The following ZNF880 variants were observed in gnomAD, a reference collection of about 807,000 sequenced individuals.
ZNF880 encodes the protein zinc finger protein 880, also known as zinc finger protein LOC400713.
Under a neutral mutation model 11.8 loss-of-function variants are expected in ZNF880, and 12 were observed. The observed-to-expected ratio is 1.02, with a 90% CI of 0.65 to 1.65. The LOEUF is 1.65. ZNF880 is among the 40% of genes most tolerant of loss of function. The pLI is 0.00. For synonymous variants in ZNF880, 210 were observed against 232.4 expected, an observed-to-expected ratio of 0.90 and a Z score of 0.88; for missense variants, 601 against 673.9, an observed-to-expected ratio of 0.89 and a Z score of 1.20.
At chr19:52,372,290 ATTT>A (rs770129861) in intron 1 of ZNF880, among the ~76,000 whole-genome samples, 2 of 138,748 alleles carry the variant, frequency 1.4e-5, no homozygotes, top group Non-Finnish European at 3.1e-5. Context: ...ATCTCTACTA[ATTT>A]TTTTTTTTTT....
At chr19:52,393,078 T>C in the ZNF880 span, among the ~76,000 whole-genome samples, 3 of 151,628 alleles carry the variant, frequency 2.0e-5, no homozygotes, top group Non-Finnish European at 4.4e-5. Context: ...TTTTTTTTTT[T>C]TTTTTCTTTT....
At position 52,384,182 on chromosome 19, in the gene ZNF880, A is replaced by T; in HGVS notation, c.602A>T (p.Asn201Ile). 1 of 1,610,750 alleles carries T rather than the reference A, an allele frequency of 6.2e-7. No individual in the cohort carries two copies. Among genetic ancestry groups the T allele is most frequent in the South Asian group, 1.1e-5 (1 of 90,740 alleles). ...TTTAGAGTGTCTTCAAGACTTGCTA[A>T]CAATCAAGTAATCCACACTGCAGAT... ...KAFRVSSRLA[N>I]NQVIHTADNP... The change falls in exon 4 of 4, where the codon AAC becomes ATC. Residue 201 changes from asparagine (N) to isoleucine (I), a missense_variant. Transcript: ENST00000422689.
Position 52,385,456 on chromosome 19 carries a change from C to A in ZNF880, c.*142C>A. The A allele has an allele frequency of 1.0e-6, 1 of 1,003,042 alleles. No individual in the cohort carries two copies. The highest frequency in any genetic ancestry group is 1.4e-6 in the Non-Finnish European group (1 of 700,304). The allele number at this position is 1,003,042 out of a possible 1,614,324, so 62.1% of individuals were successfully genotyped here. A position where few individuals can be genotyped will look rare whatever the true frequency, so the allele number is the denominator to read the frequency against. ...ATTAATCAACATCAGAGATTCCATA[C>A]TAAAGAGAAATCATAGCAATGTATG... On this transcript the variant is annotated 3_prime_UTR_variant, in exon 4 of 4. Coordinates refer to ENST00000422689, the MANE Select transcript of ZNF880 (RefSeq NM_001145434.2).
Position 52,385,296 on chromosome 19 carries a change from A to G in ZNF880, c.1716A>G (p.Gly572=), listed in dbSNP as rs188096553. The G allele has an allele frequency of 2.4e-5, 38 of 1,552,050 alleles. No homozygotes were observed. The East Asian group carries it at 7.8e-4, about 32-fold the overall frequency. Residue 572 remains glycine, a synonymous_variant, in exon 4 of 4, where the codon GGA becomes GGG. Transcript: ENST00000422689. ...CAAATCATCACAGAATCCATACTGG[A>G]GAGAAACCGTACAGATGAAATGTGT... ...NLANHHRIHT[G]EKPYR is the part of the protein sequence containing the mutation.
intron 3 of ZNF880, among the ~76,000 whole-genome samples, chr19:52,379,096 TA>T (rs1986636061): frequency 7.4e-6 from 1 of 134,466 alleles, no homozygotes; most frequent in Non-Finnish European, 1.7e-5. Context: ...AAGAAGAAAA[TA>T]AAAAATAAAT....
intron 1 of ZNF880, 57 bp from the exon 2 acceptor site, chr19:52,373,054 C>G (rs1219928590): frequency 6.3e-7 from 1 of 1,577,880 alleles, no homozygotes; most frequent in South Asian, 1.1e-5. Context: ...TCAGTCCTTA[C>G]AACTGTCTCC....
In ZNF880 at chr19:52,384,295, C is replaced by A; in HGVS notation, c.715C>A (p.Pro239Thr). The A allele has an allele frequency of 1.3e-6, 2 of 1,598,114 alleles. No homozygotes were observed. The highest frequency in any genetic ancestry group is 2.3e-5 in the East Asian group (1 of 44,334). Residue 239 changes from proline (P) to threonine (T), a missense_variant, in exon 4 of 4, where the codon CCT (proline) becomes ACT (threonine). Pro to Thr is a conservative substitution (Grantham distance 38). Transcript: ENST00000422689. ...TCAAAGAATTCATACTGGAGAGAAG[C>A]CTTACAAGTGTCATGAATGTGGCAA... Reference protein sequence around the residue: ...QHQRIHTGEKPYKCHECGKLF... With the variant: ...QHQRIHTGEKTYKCHECGKLF...
rs1202200177 is a variant in ZNF880, at chr19:52,373,094, T to C, written c.13-17T>C. 6.2e-7 allele frequency: 1 copy of C among 1,611,120 alleles called. No individual in the cohort carries two copies. The highest frequency in any genetic ancestry group is 8.5e-7 in the Non-Finnish European group (1 of 1,178,238). On this transcript the variant is annotated splice_polypyrimidine_tract_variant and intron_variant, in intron 1 of 3. Coordinates refer to ENST00000422689, the MANE Select transcript of ZNF880 (RefSeq NM_001145434.2). ...TTTGTGTGATATCCTGTTGGTGAAA[T>C]GTGTTTTTCATTTTAGGGACACTTG...
At chr19:52,393,218 G>A in the ZNF880 span, among the ~76,000 whole-genome samples, 28 of 151,812 alleles carry the variant, frequency 1.8e-4, no homozygotes, top group Non-Finnish European at 2.9e-4. Flanking sequence ...GATTACTGGT[G>A]CCTGCCACCA....
upstream of ZNF880, chr19:52,366,893 CTT>C (rs376747714): frequency 9.7e-5 from 66 of 683,694 alleles, no homozygotes; most frequent in East Asian, 1.4e-3. Context: ...TCACTCATCT[CTT>C]GATCCACACT....
the ZNF880 span, chr19:52,392,709 G>C: frequency 4.4e-6 from 1 of 228,846 alleles, no homozygotes; most frequent in Non-Finnish European, 1.0e-5. Flanking sequence ...GCAAAGGAGA[G>C]AGCCCTGGAC....
chr19:52,396,211 C>T, the ZNF880 span: 1 of 148,318 alleles, frequency 6.7e-6, no homozygotes, highest in South Asian at 2.1e-4. Flanking sequence ...CTCAGGTGAT[C>T]TGCCCTCCTC....
Position 52,385,143 on chromosome 19 carries a change from A to G in ZNF880, c.1563A>G (p.Lys521=). ...RQIHTGEKSY[K]CNECGKVFSH... ...TTCATACTGGAGAGAAGTCTTACAA[A>G]TGCAATGAATGTGGCAAGGTCTTCA... The change falls in exon 4 of 4, where the codon AAA becomes AAG. Residue 521 remains lysine, a synonymous_variant. Transcript: ENST00000422689. The G allele has an allele frequency of 6.4e-7, 1 of 1,556,610 alleles. No individual in the cohort carries two copies.
chr19:52,369,786 G>T, upstream of ZNF880: 1 of 668,428 alleles, frequency 1.5e-6, no homozygotes, highest in Non-Finnish European at 2.6e-6. Flanking sequence ...TCTATTTCCA[G>T]ATAGCTGAGT....
chr19:52,381,279 G>T (rs1302555652), intron 3 of ZNF880, among the ~76,000 whole-genome samples: 1 of 151,922 alleles, frequency 6.6e-6, no homozygotes, highest in Non-Finnish European at 1.5e-5. Context: ...TCTGACACTT[G>T]GTGTTTATAT....
At chr19:52,368,479 T>A (rs975633212), upstream of ZNF880, among the ~76,000 whole-genome samples, 1 of 151,984 alleles carries the variant, frequency 6.6e-6, no homozygotes, top group African/African-American at 2.4e-5. Flanking sequence ...TACACTGATA[T>A]GGTTTGAGAG....
At chr19:52,393,019 C>G in the ZNF880 span, among the ~76,000 whole-genome samples, 43 of 151,234 alleles carry the variant, frequency 2.8e-4, no homozygotes, top group African/African-American at 9.2e-4. Context: ...TTGGGAAACT[C>G]TGCAACTGGG....
chr19:52,397,400 A>G, the ZNF880 span: 1 of 152,124 alleles, frequency 6.6e-6, no homozygotes, highest in Non-Finnish European at 1.5e-5. Context: ...AGACAATTCC[A>G]AAGTGTGTTA....
At chr19:52,387,984 ATTC>A (rs1352423955), downstream of ZNF880, among the ~76,000 whole-genome samples, 2 of 136,372 alleles carry the variant, frequency 1.5e-5, no homozygotes, top group African/African-American at 2.9e-5. Context: ...GGTTGAAGCA[ATTC>A]TTCTGCTTCA....
Sources: allele counts gnomAD v4.1 joint callset (sites outside exome capture counted in the v4.1 genomes callset), GRCh38; gene constraint gnomAD v4.1.1; transcripts MANE v1.5; gene names NCBI Gene and HGNC (gene_info 2026-07-23, HGNC 2026-07-21).